Variants in SH3PXD2A observed in about 807,000 individuals in gnomAD.
The protein encoded by SH3PXD2A is SH3 and PX domains 2A.
In SH3PXD2A, 32 loss-of-function variants were observed where a neutral mutation model predicts 115.2. The ratio of observed to expected loss-of-function variants is 0.28; its 90% CI spans 0.21 to 0.37. SH3PXD2A has a LOEUF of 0.37. Ranked by LOEUF, SH3PXD2A falls within the 10% of genes least tolerant of loss-of-function variation. SH3PXD2A has a pLI of 1.00. For synonymous variants in SH3PXD2A, 610 were observed against 629.1 expected (o/e 0.97, Z 0.45); for missense variants, 1,328 against 1,498.7 (o/e 0.89, Z 1.88).
chr10:103,702,952 G>C (rs1305454944), intron 5 of SH3PXD2A, among the ~76,000 whole-genome samples: 1 of 152,222 alleles, frequency 6.6e-6, no homozygotes, highest in Non-Finnish European at 1.5e-5. Flanking sequence ...GTATGGGTGT[G>C]TGTGACACAC....
intron 5 of SH3PXD2A, among the ~76,000 whole-genome samples, chr10:103,716,572 T>A (rs1389198162): frequency 6.6e-6 from 1 of 151,918 alleles, no homozygotes; most frequent in African/African-American, 2.4e-5. Flanking sequence ...AAGCCCAGGG[T>A]GAGAGCAGGA....
Position 103,665,028 on chromosome 10 carries a change from C to T in SH3PXD2A, c.472+3580G>A, listed in dbSNP as rs1345413300. ...ACCTCTACTGACCAGACCACAGTGC[C>T]TGTTAGGTGGCAGGCACTCAATAAG... is the stretch of plus-strand genomic sequence containing the variant. On this transcript the variant is annotated intron_variant, in intron 7 of 14. Coordinates refer to ENST00000369774, the MANE Select transcript of SH3PXD2A (RefSeq NM_001394015.1). This position sits in a 1 kb window ranked among gnomAD's most constrained non-coding sequence, Gnocchi z 4.0. Among the ~76,000 whole-genome samples the T allele has an allele frequency of 6.6e-6, 1 of 152,150 alleles. No homozygotes were observed. Among genetic ancestry groups the T allele is most frequent in the African/African-American group, 2.4e-5 (1 of 41,422 alleles).
chr10:103,693,142 T>C (rs2037779985), intron 5 of SH3PXD2A, 86 bp from the exon 6 acceptor site: 7 of 1,156,228 alleles, frequency 6.1e-6, no homozygotes, highest in Middle Eastern at 2.0e-4. Context: ...TCGGGCTGGC[T>C]GCGGTCGGTC....
Position 103,801,310 on chromosome 10 carries a change from C to A in SH3PXD2A, c.125G>T (p.Arg42Leu). The A allele has an allele frequency of 6.2e-7, 1 of 1,612,086 alleles. No homozygotes were observed. The highest frequency in any genetic ancestry group is 1.7e-5 in the Admixed American group (1 of 60,008). ...WSDSTSQTIYRRYSKFFDLQM... is the reference protein window; with the variant it reads ...WSDSTSQTIYLRYSKFFDLQM... The stretch of plus-strand genomic sequence containing the variant: ...CAGGTCAAAGAACTTGCTGTACCTC[C>A]GGTAGATAGTCTGGGAGGTGGAGTC... Residue 42 changes from arginine (R) to leucine (L), a missense_variant, in exon 2 of 15, where the codon CGG becomes CTG. Coordinates refer to ENST00000369774, the MANE Select transcript of SH3PXD2A (RefSeq NM_001394015.1).
chr10:103,715,215 G>A (rs530002802), intron 5 of SH3PXD2A, among the ~76,000 whole-genome samples: 2 of 152,204 alleles, frequency 1.3e-5, no homozygotes, highest in Non-Finnish European at 2.9e-5. Context: ...CATTTTCTAC[G>A]CATTTGCTCC....
At chr10:103,855,163 C>T (rs1302011541) in intron 1 of SH3PXD2A, 32 bp downstream of exon 1, 3 of 1,498,458 alleles carry the variant, frequency 2.0e-6, no homozygotes, top group Admixed American at 2.2e-5. Flanking sequence ...CCTCGGGCCA[C>T]CCCCAGCAGG....
At chr10:103,717,895 G>T (rs1247172662) in intron 5 of SH3PXD2A, among the ~76,000 whole-genome samples, 1 of 152,088 alleles carries the variant, frequency 6.6e-6, no homozygotes, top group Non-Finnish European at 1.5e-5. Context: ...AAAGCAAGGG[G>T]GAGCTGAGTC....
At chr10:103,677,989 G>A (rs1310132587) in intron 6 of SH3PXD2A, 5 of 588,692 alleles carry the variant, frequency 8.5e-6, no homozygotes, top group Middle Eastern at 3.2e-4. Flanking sequence ...AGTGGCTCCC[G>A]TGCAGGCCTC....
At chr10:103,751,221 T>G (rs1341981562) in intron 3 of SH3PXD2A, among the ~76,000 whole-genome samples, 2 of 152,256 alleles carry the variant, frequency 1.3e-5, no homozygotes, top group Non-Finnish European at 2.9e-5. Context: ...GAATGACTTT[T>G]GTAGACTACA....
At chr10:103,663,431 C>T (rs2037340575) in intron 7 of SH3PXD2A, among the ~76,000 whole-genome samples, 1 of 152,234 alleles carries the variant, frequency 6.6e-6, no homozygotes, top group Non-Finnish European at 1.5e-5. Context: ...TTGTTCAGGC[C>T]CAAGCCCATC....
chr10:103,769,136 G>C (rs1234703931), intron 2 of SH3PXD2A, among the ~76,000 whole-genome samples: 1 of 2,052 alleles, frequency 4.9e-4, no homozygotes, highest in East Asian at 0.029. Flanking sequence ...GCTAGACTCT[G>C]TGTGTGTGTG....
intron 6 of SH3PXD2A, among the ~76,000 whole-genome samples, chr10:103,668,875 G>T (rs2037421167): frequency 6.6e-6 from 1 of 152,238 alleles, no homozygotes; most frequent in African/African-American, 2.4e-5. Flanking sequence ...GCTGGGACAG[G>T]GATAATGAGG....
intron 1 of SH3PXD2A, among the ~76,000 whole-genome samples, chr10:103,821,668 T>C (rs567148570): frequency 3.9e-5 from 6 of 152,130 alleles, no homozygotes; most frequent in Non-Finnish European, 8.8e-5. Context: ...TCCTCCTGCC[T>C]CAGCTCCCCT....
At chr10:103,807,071 A>G (rs1294092920) in intron 1 of SH3PXD2A, among the ~76,000 whole-genome samples, 1 of 152,174 alleles carries the variant, frequency 6.6e-6, no homozygotes, top group African/African-American at 2.4e-5. Flanking sequence ...TCTGTCCTCT[A>G]TTAGCCTTGC....
At chr10:103,850,302 A>G (rs1268913939) in intron 1 of SH3PXD2A, among the ~76,000 whole-genome samples, 1 of 152,118 alleles carries the variant, frequency 6.6e-6, no homozygotes, top group Non-Finnish European at 1.5e-5. Context: ...GCCCTCACTC[A>G]GCTCAACACA....
rs973406717 is a variant in SH3PXD2A, at chr10:103,595,271, C to T, written c.*6545G>A. Reference sequence around the variant, plus strand: ...GATTTTCCAACCTGCTATGGCTGGACCCTTGGGTGTTAAATCACTAAATTC... The same window carrying T: ...GATTTTCCAACCTGCTATGGCTGGATCCTTGGGTGTTAAATCACTAAATTC... On this transcript the variant is annotated 3_prime_UTR_variant, in exon 15 of 15. Transcript: ENST00000369774. 6.6e-6 allele frequency: 1 copy of T among 152,152 alleles called. No homozygotes were observed. The highest frequency in any genetic ancestry group is 2.4e-5 in the African/African-American group (1 of 41,422). 9.4% of individuals were successfully genotyped at this position (152,152 alleles called of 1,614,324 possible).
intron 8 of SH3PXD2A, among the ~76,000 whole-genome samples, chr10:103,654,942 G>A (rs1396794465): frequency 6.8e-6 from 1 of 147,428 alleles, no homozygotes; most frequent in African/African-American, 2.5e-5. Context: ...CTTGATCCTG[G>A]AGTGAATAAA....
chr10:103,717,319 T>C (rs1013238845), intron 5 of SH3PXD2A, among the ~76,000 whole-genome samples: 2 of 152,214 alleles, frequency 1.3e-5, no homozygotes, highest in Non-Finnish European at 2.9e-5. Flanking sequence ...TCCAGAGATG[T>C]GGGTTCCTTG....
intron 6 of SH3PXD2A, among the ~76,000 whole-genome samples, chr10:103,672,956 C>G (rs2037483471): frequency 6.6e-6 from 1 of 152,240 alleles, no homozygotes; most frequent in African/African-American, 2.4e-5. Flanking sequence ...AACCAGGGGC[C>G]TGGAGATTCC....
Sources: allele counts gnomAD v4.1 joint callset (sites outside exome capture counted in the v4.1 genomes callset), GRCh38; gene constraint gnomAD v4.1.1; non-coding constraint Gnocchi (gnomAD v3.1); transcripts MANE v1.5; gene names NCBI Gene and HGNC (gene_info 2026-07-23, HGNC 2026-07-21).